The following PDE8B variants were observed in gnomAD, a reference collection of about 807,000 sequenced individuals.
The protein encoded by PDE8B is phosphodiesterase 8B.
In PDE8B, 26 loss-of-function variants were observed where a neutral mutation model predicts 101.3. That is an observed-to-expected ratio of 0.26 (90% CI 0.19 to 0.36). The LOEUF (loss-of-function observed/expected upper bound fraction) is 0.36, where lower values mean the gene tolerates loss of function less well. PDE8B is among the 10% of genes least tolerant of loss of function. The pLI, the probability that PDE8B is intolerant of heterozygous loss-of-function variation, is 1.00. For missense variants in PDE8B, 810 were observed against 1,163.1 expected (o/e 0.70, Z 4.42); for synonymous variants, 424 against 429.3 (o/e 0.99, Z 0.15).
the PDE8B span, among the ~76,000 whole-genome samples, chr5:77,138,965 A>G: frequency 6.6e-6 from 1 of 152,200 alleles, no homozygotes; most frequent in Non-Finnish European, 1.5e-5. Context: ...GGTAAAACTA[A>G]CCATTAGTTA....
chr5:77,269,751 T>C (rs1762424569), intron 1 of PDE8B, among the ~76,000 whole-genome samples: 1 of 152,230 alleles, frequency 6.6e-6, no homozygotes, highest in Non-Finnish European at 1.5e-5. Context: ...ATATATATTC[T>C]TGGCACCTTT....
intron 12 of PDE8B, among the ~76,000 whole-genome samples, chr5:77,406,336 A>T (rs1243910268): frequency 6.6e-6 from 1 of 152,218 alleles, no homozygotes; most frequent in African/African-American, 2.4e-5. Flanking sequence ...AGAACCAAAG[A>T]TGCTAGAGAC....
intron 11 of PDE8B, among the ~76,000 whole-genome samples, chr5:77,401,918 C>T (rs1031396545): frequency 3.3e-5 from 5 of 152,166 alleles, no homozygotes; most frequent in African/African-American, 1.2e-4. Flanking sequence ...GAATAAACAT[C>T]ATCCATCTTT....
At chr5:77,345,512 G>A (rs969722563) in intron 7 of PDE8B, among the ~76,000 whole-genome samples, 3 of 152,194 alleles carry the variant, frequency 2.0e-5, no homozygotes, top group Admixed American at 6.5e-5. Flanking sequence ...TGACATAGAA[G>A]TAAGTCAGAA....
At chr5:77,416,798 G>C (rs371644135) in intron 17 of PDE8B, among the ~76,000 whole-genome samples, 3 of 152,272 alleles carry the variant, frequency 2.0e-5, no homozygotes, top group East Asian at 1.9e-4. Context: ...CTGAGTAGCA[G>C]CTCTTCCTCC....
At chr5:77,297,003 C>T (rs1768732258) in intron 1 of PDE8B, among the ~76,000 whole-genome samples, 1 of 152,158 alleles carries the variant, frequency 6.6e-6, no homozygotes, top group African/African-American at 2.4e-5. Context: ...ATCCCAGAGC[C>T]TGACTTTGCA....
intron 1 of PDE8B, among the ~76,000 whole-genome samples, chr5:77,311,380 C>T (rs1260125917): frequency 6.6e-6 from 1 of 152,182 alleles, no homozygotes; most frequent in Non-Finnish European, 1.5e-5. Context: ...ACAAGCCTCT[C>T]GTGGTCATCA....
chr5:77,174,378 C>T, the PDE8B span, among the ~76,000 whole-genome samples: 1 of 152,178 alleles, frequency 6.6e-6, no homozygotes, highest in Non-Finnish European at 1.5e-5. Flanking sequence ...CTAGTGTATT[C>T]CTGAATGCCT....
the PDE8B span, among the ~76,000 whole-genome samples, chr5:77,116,493 T>C: frequency 6.6e-6 from 1 of 152,092 alleles, no homozygotes; most frequent in Admixed American, 6.5e-5. Flanking sequence ...GCGCCCGCCT[T>C]GACCTCCCAA....
At position 77,210,958 on chromosome 5, in the gene PDE8B, G is replaced by C. The variant is rs1241991002; in HGVS notation, c.33G>C (p.Gln11His). ...GCGCCCCCAGCATCCATGTCTCGCA[G>C]AGCGGCGTGATCTACTGCCGGGACT... is the stretch of plus-strand genomic sequence containing the variant. MGCAPSIHVS[Q>H]SGVIYCRDSD... The change falls in exon 1 of 22, where the codon CAG becomes CAC. Residue 11 changes from glutamine to histidine, a missense_variant. This residue lies in a region of PDE8B where 159 missense variants were observed against 146.6 expected (regional missense o/e 1.08). Coordinates refer to ENST00000264917, the MANE Select transcript of PDE8B (RefSeq NM_003719.5). This position sits in a 1 kb window ranked among gnomAD's most constrained non-coding sequence, Gnocchi z 4.9. The C allele has an allele frequency of 1.3e-6, 2 of 1,523,980 alleles. No homozygotes were observed. The highest frequency in any genetic ancestry group is 2.9e-5 in the African/African-American group (2 of 69,898). The allele number at this position is 1,523,980 out of a possible 1,614,324, so 94.4% of individuals were successfully genotyped here.
chr5:77,405,534 A>C (rs1793247740), intron 12 of PDE8B, among the ~76,000 whole-genome samples: 1 of 152,170 alleles, frequency 6.6e-6, no homozygotes, highest in African/African-American at 2.4e-5. Flanking sequence ...CCTAGTGGTG[A>C]CAGGTGAAGC....
At chr5:77,419,934 A>C (rs16874252) in intron 19 of PDE8B, 47 bp downstream of exon 19, 5 of 1,607,784 alleles carry the variant, frequency 3.1e-6, no homozygotes, top group African/African-American at 1.3e-5. Context: ...GTACATTTCC[A>C]TAAGAGCCTG....
At chr5:77,101,079 C>T in the PDE8B span, among the ~76,000 whole-genome samples, 1 of 147,936 alleles carries the variant, frequency 6.8e-6, no homozygotes, top group Non-Finnish European at 1.5e-5. Context: ...AAGTGATCTT[C>T]CTGCCTCAGC....
intron 10 of PDE8B, chr5:77,358,484 G>A (rs907685856): frequency 1.0e-6 from 1 of 977,950 alleles, no homozygotes; most frequent in Non-Finnish European, 1.2e-6. Context: ...CGGGGACTGT[G>A]GGTTATGCCT....
intron 1 of PDE8B, among the ~76,000 whole-genome samples, chr5:77,230,746 T>C (rs1466015299): frequency 6.6e-6 from 1 of 152,200 alleles, no homozygotes; most frequent in Non-Finnish European, 1.5e-5. Flanking sequence ...GACCCGGCCA[T>C]TCTGTGCATT....
At chr5:77,358,991 C>T (rs1356396693) in intron 10 of PDE8B, among the ~76,000 whole-genome samples, 1 of 152,178 alleles carries the variant, frequency 6.6e-6, no homozygotes, top group Admixed American at 6.5e-5. Context: ...AGAAAGGCCT[C>T]TGATATTGCG....
chr5:77,340,799 T>C (rs1395932163), intron 6 of PDE8B, among the ~76,000 whole-genome samples: 1 of 152,128 alleles, frequency 6.6e-6, no homozygotes, highest in Non-Finnish European at 1.5e-5. Flanking sequence ...GGCATCCTGC[T>C]TTTTCAGTCT....
At chr5:77,283,021 G>A (rs1765324208) in intron 1 of PDE8B, among the ~76,000 whole-genome samples, 2 of 152,050 alleles carry the variant, frequency 1.3e-5, no homozygotes, top group South Asian at 2.1e-4. Flanking sequence ...TCCCAGAGTA[G>A]CAATCTTATT....
At chr5:77,310,897 T>G (rs1366203464) in intron 1 of PDE8B, among the ~76,000 whole-genome samples, 1 of 152,030 alleles carries the variant, frequency 6.6e-6, no homozygotes, top group Non-Finnish European at 1.5e-5. Context: ...AGAGTTAAGC[T>G]TGGGGAAAGG....
Sources: gnomAD v4.1 joint callset for allele counts (sites outside exome capture counted in the v4.1 genomes callset) on GRCh38, gnomAD v4.1.1 for gene constraint, gnomAD v4.1.1 regional missense constraint, Gnocchi (gnomAD v3.1) non-coding constraint, MANE v1.5 for transcripts, NCBI Gene and HGNC (gene_info 2026-07-23, HGNC 2026-07-21) for gene names.